ANKRD30B: variants seen among roughly 807,000 people sequenced by gnomAD.
The protein encoded by ANKRD30B is ankyrin repeat domain-containing protein 30B.
Under a neutral mutation model 202.2 loss-of-function variants are expected in ANKRD30B, and 144 were observed. That is an observed-to-expected ratio of 0.71 (90% confidence interval 0.62 to 0.82). ANKRD30B has a LOEUF of 0.82. Among genes scored for constraint, ANKRD30B ranks in the 40% least tolerant of loss-of-function variants. The pLI is 0.00. For synonymous variants in ANKRD30B, 508 were observed against 561.3 expected, an observed-to-expected ratio of 0.91 and a Z score of 1.34; for missense variants, 1,487 against 1,669.1, an observed-to-expected ratio of 0.89 and a Z score of 1.90.
chr18:14,796,426 T>A lies in ANKRD30B; in HGVS notation c.1927+11T>A. 6.5e-6 allele frequency: 10 copies of A among 1,540,372 alleles called. No homozygotes were observed. The highest frequency in any genetic ancestry group is 8.7e-6 in the Non-Finnish European group (10 of 1,143,704). On this transcript the variant is annotated intron_variant, in intron 18 of 43. Transcript: ENST00000690538. ...AAACATTCAAAGCAGGTAAATTTTG[T>A]AATTTAACTTTTAATCTGTAATTAA...
intron 39 of ANKRD30B, among the ~76,000 whole-genome samples, chr18:14,848,510 G>A (rs1306431406): frequency 4.0e-5 from 6 of 151,056 alleles, no homozygotes; most frequent in Non-Finnish European, 8.8e-5. Flanking sequence ...CTTTTCTGGG[G>A]CTTTGCTTTT....
chr18:14,935,743 A>T, the ANKRD30B span, among the ~76,000 whole-genome samples: 4 of 152,202 alleles, frequency 2.6e-5, no homozygotes, highest in African/African-American at 9.7e-5. Flanking sequence ...GTATGTGTGC[A>T]TCTGTATGCC....
chr18:14,816,850 A>C (rs751412100), intron 30 of ANKRD30B: 3 of 152,058 alleles, frequency 2.0e-5, no homozygotes, highest in Non-Finnish European at 4.4e-5. Flanking sequence ...TTCTCAGCAA[A>C]CTCTCGCAAG....
At chr18:14,931,964 CTCCCTCCTGTACT>C in the ANKRD30B span, among the ~76,000 whole-genome samples, 2 of 5,500 alleles carry the variant, frequency 3.6e-4, no homozygotes, top group Admixed American at 2.2e-3. Context: ...CTCCTCCTTC[CTCCCTCCTGTACT>C]GTCCCAGGCC....
chr18:14,755,990 C>G (rs527508006), intron 4 of ANKRD30B, among the ~76,000 whole-genome samples: 2,463 of 152,302 alleles, frequency 0.016, 74 homozygotes, highest in African/African-American at 0.057. Context: ...CCGACTTCCA[C>G]AATGGTTGAA....
intron 39 of ANKRD30B, among the ~76,000 whole-genome samples, chr18:14,848,456 G>A (rs1183581756): frequency 6.6e-6 from 1 of 151,936 alleles, no homozygotes; most frequent in African/African-American, 2.4e-5. Flanking sequence ...CCTATTCTTA[G>A]CAATCTATTT....
the ANKRD30B span, among the ~76,000 whole-genome samples, chr18:14,934,792 T>C: frequency 1.2e-3 from 175 of 152,118 alleles, no homozygotes; most frequent in African/African-American, 4.0e-3. Flanking sequence ...GGAGCAGTCA[T>C]GGGAGACGCT....
At chr18:14,931,346 T>A in the ANKRD30B span, among the ~76,000 whole-genome samples, 1 of 152,072 alleles carries the variant, frequency 6.6e-6, no homozygotes, top group East Asian at 1.9e-4. Context: ...CAAGGACGAG[T>A]ATTTTGATCT....
intron 12 of ANKRD30B, among the ~76,000 whole-genome samples, chr18:14,783,057 T>C (rs1044357516): frequency 1.3e-5 from 2 of 152,046 alleles, no homozygotes; most frequent in African/African-American, 4.8e-5. Flanking sequence ...TGTCAGAAAA[T>C]TATTGCTAAA....
At chr18:14,848,644 T>C (rs1319714588) in intron 39 of ANKRD30B, 72 bp from the exon 40 acceptor site, 1 of 1,204,686 alleles carries the variant, frequency 8.3e-7, no homozygotes, top group East Asian at 2.7e-5. Context: ...GAGTTAGTGA[T>C]TGTTAAAATA....
At chr18:14,938,101 C>T in the ANKRD30B span, among the ~76,000 whole-genome samples, 1 of 152,152 alleles carries the variant, frequency 6.6e-6, no homozygotes, top group Admixed American at 6.5e-5. Context: ...CACTCCTCTC[C>T]CTACATGCCT....
intron 12 of ANKRD30B, among the ~76,000 whole-genome samples, chr18:14,783,989 T>G (rs1319865529): frequency 6.6e-6 from 1 of 152,172 alleles, no homozygotes; most frequent in Non-Finnish European, 1.5e-5. Flanking sequence ...AAGAACATGA[T>G]GAATAGAATA....
intron 16 of ANKRD30B, 103 bp from the exon 17 acceptor site, chr18:14,796,118 A>G: frequency 1.6e-6 from 2 of 1,274,184 alleles, no homozygotes; most frequent in Non-Finnish European, 2.3e-6. Context: ...ATCCCTTTTC[A>G]ATCCAAGCAT....
chr18:14,796,598 AT>A (rs1407780849), intron 18 of ANKRD30B, among the ~76,000 whole-genome samples, 183 bp downstream of exon 18: 4 of 152,136 alleles, frequency 2.6e-5, no homozygotes, highest in Non-Finnish European at 5.9e-5. Context: ...AGATTTAGAG[AT>A]TAACAAAAAA....
At chr18:14,758,251 A>G (rs1244219951) in intron 5 of ANKRD30B, among the ~76,000 whole-genome samples, 1 of 152,118 alleles carries the variant, frequency 6.6e-6, no homozygotes, top group African/African-American at 2.4e-5. Context: ...TCGGCAGAAA[A>G]CCTGATAATG....
chr18:14,773,661 CT>C (rs36017456), intron 9 of ANKRD30B, among the ~76,000 whole-genome samples: 78,954 of 141,042 alleles, frequency 0.56, 21,472 homozygotes, highest in African/African-American at 0.65. Flanking sequence ...AACTCATGTT[CT>C]TTTTTTTTTT....
the ANKRD30B span, among the ~76,000 whole-genome samples, chr18:14,919,439 C>G: frequency 1.3e-5 from 2 of 152,112 alleles, no homozygotes; most frequent in Non-Finnish European, 2.9e-5. Flanking sequence ...TTCCCTCTGC[C>G]ACATCCCAGG....
Position 14,810,718 on chromosome 18 carries a change from A to G in ANKRD30B, c.2488+538A>G, listed in dbSNP as rs565750098. ...CACTGTTTTAGAAGTGTGACTCTAAAGCTTTTGGCCTTGGTGTCTTTTTAT... is the reference window on the plus strand; with the variant it reads ...CACTGTTTTAGAAGTGTGACTCTAAGGCTTTTGGCCTTGGTGTCTTTTTAT... On this transcript the variant is annotated intron_variant, in intron 28 of 43. Coordinates refer to ENST00000690538, the MANE Select transcript of ANKRD30B (RefSeq NM_001367607.2). Among the ~76,000 whole-genome samples, 4 of 151,236 alleles carry G rather than the reference A, an allele frequency of 2.6e-5. 1 individual carries two copies. The highest frequency in any genetic ancestry group is 9.8e-5 in the African/African-American group (4 of 40,948).
chr18:14,840,718 T>C (rs1248239624), intron 37 of ANKRD30B, 40 bp downstream of exon 37: 4 of 1,223,596 alleles, frequency 3.3e-6, no homozygotes, highest in Non-Finnish European at 4.6e-6. Context: ...TTTGTCCAAA[T>C]GTTTGTCTCA....
Sources: gnomAD v4.1 joint callset for allele counts (sites outside exome capture counted in the v4.1 genomes callset) on GRCh38, gnomAD v4.1.1 for gene constraint, MANE v1.5 for transcripts, NCBI Gene and HGNC (gene_info 2026-07-23, HGNC 2026-07-21) for gene names.